The following BANP variants were observed in gnomAD, a reference collection of about 807,000 sequenced individuals.
BANP encodes protein BANP.
Under a neutral mutation model 68.1 loss-of-function variants are expected in BANP, and 11 were observed. The ratio of observed to expected loss-of-function variants is 0.16; its 90% CI spans 0.10 to 0.27. The LOEUF is 0.27. Among genes scored for constraint, BANP ranks in the 10% least tolerant of loss-of-function variants. The pLI is 1.00. For missense variants in BANP, 504 were observed against 722.7 expected, an observed-to-expected ratio of 0.70 and a Z score of 3.47; for synonymous variants, 329 against 303.2, an observed-to-expected ratio of 1.09 and a Z score of -0.88.
Position 88,003,226 on chromosome 16 carries a change from A to G in BANP, c.363-1069A>G, listed in dbSNP as rs1364043671. Among the ~76,000 whole-genome samples, 3 of 152,236 alleles carry G rather than the reference A, an allele frequency of 2.0e-5. No homozygotes were observed. Among genetic ancestry groups the G allele is most frequent in the Non-Finnish European group, 4.4e-5 (3 of 68,040 alleles). ...GGAATTTAAAAAATAATATTTTTGA[A>G]TGAAATGGAGTTGATTATGCCTTTA... On this transcript the variant is annotated intron_variant, in intron 4 of 13. Coordinates refer to ENST00000682872, the MANE Select transcript of BANP (RefSeq NM_001386991.1). The surrounding 1 kb of genome is among the most constrained non-coding windows in gnomAD (Gnocchi z 6.1).
intron 1 of BANP, among the ~76,000 whole-genome samples, chr16:87,958,064 G>A (rs1374609382): frequency 6.6e-6 from 1 of 152,200 alleles, no homozygotes; most frequent in Non-Finnish European, 1.5e-5. Context: ...GCCAACAGTT[G>A]TGACTGTCAG....
chr16:88,033,551 G>C (rs990405881), intron 9 of BANP, among the ~76,000 whole-genome samples: 4 of 152,170 alleles, frequency 2.6e-5, no homozygotes, highest in Non-Finnish European at 5.9e-5. Flanking sequence ...GCCGTGCGGT[G>C]GTCCCTGCCC....
chr16:88,025,601 G>A, intron 7 of BANP, among the ~76,000 whole-genome samples: 1 of 152,142 alleles, frequency 6.6e-6, no homozygotes, highest in East Asian at 1.9e-4. Flanking sequence ...CAGACAGGTT[G>A]GTTGTGATTA....
Position 88,003,298 on chromosome 16 carries a change from T to A in BANP, c.363-997T>A, listed in dbSNP as rs1053460366. Among the ~76,000 whole-genome samples, 1 of 152,226 alleles carries A rather than the reference T, an allele frequency of 6.6e-6. No individual in the cohort carries two copies. The highest frequency in any genetic ancestry group is 2.4e-5 in the African/African-American group (1 of 41,458). On this transcript the variant is annotated intron_variant, in intron 4 of 13. Coordinates refer to ENST00000682872, the MANE Select transcript of BANP (RefSeq NM_001386991.1). The surrounding 1 kb of genome is among the most constrained non-coding windows in gnomAD (Gnocchi z 6.1). The stretch of plus-strand genomic sequence containing the variant: ...TCCTGTGATTTACTTGAGCATGGCG[T>A]GGTGCTGTGCTGGCACTCAATGTGG...
At chr16:88,059,935 C>T (rs909758404) in intron 11 of BANP, among the ~76,000 whole-genome samples, 1 of 152,226 alleles carries the variant, frequency 6.6e-6, no homozygotes, top group Non-Finnish European at 1.5e-5. Context: ...AGGCCCCAGA[C>T]CTGCACACAC....
At chr16:87,954,976 T>C (rs1404951708) in intron 1 of BANP, among the ~76,000 whole-genome samples, 1 of 152,208 alleles carries the variant, frequency 6.6e-6, no homozygotes, top group Non-Finnish European at 1.5e-5. Flanking sequence ...GCCTCTGAAT[T>C]GCAGCGTGGG....
At chr16:88,047,170 T>C (rs1225015396) in intron 11 of BANP, among the ~76,000 whole-genome samples, 2 of 152,112 alleles carry the variant, frequency 1.3e-5, no homozygotes, top group Admixed American at 1.3e-4. Context: ...TTTGTGTTGT[T>C]TAAAATCCCA....
chr16:87,952,205 A>G (rs756425429), intron 1 of BANP: 3 of 152,294 alleles, frequency 2.0e-5, no homozygotes, highest in African/African-American at 4.8e-5. Context: ...ATGACATTCC[A>G]TCCACACTGT....
chr16:88,019,769 G>A (rs986211052), intron 7 of BANP, among the ~76,000 whole-genome samples: 4 of 152,036 alleles, frequency 2.6e-5, no homozygotes, highest in Non-Finnish European at 5.9e-5. Context: ...AAAGAGCCTT[G>A]CTCCTCTGGG....
chr16:88,046,388 A>C (rs58397994), intron 11 of BANP, among the ~76,000 whole-genome samples: 2 of 152,016 alleles, frequency 1.3e-5, no homozygotes, highest in African/African-American at 4.8e-5. Flanking sequence ...CAATCTGACT[A>C]CAAAGTTCAT....
chr16:88,049,177 G>T (rs530550713), intron 11 of BANP, among the ~76,000 whole-genome samples: 29 of 152,298 alleles, frequency 1.9e-4, no homozygotes, highest in African/African-American at 5.5e-4. Flanking sequence ...AACCACACCA[G>T]TTGCAAGTTC....
At chr16:88,073,832 T>C (rs1383213516) in intron 13 of BANP, among the ~76,000 whole-genome samples, 3 of 152,252 alleles carry the variant, frequency 2.0e-5, no homozygotes, top group Non-Finnish European at 4.4e-5. Context: ...CTGTGTCCCA[T>C]GGTTGGTGTT....
chr16:87,998,789 C>T (rs554027932), intron 4 of BANP, among the ~76,000 whole-genome samples: 20 of 139,266 alleles, frequency 1.4e-4, no homozygotes, highest in African/African-American at 3.5e-4. Flanking sequence ...CGCACGTGCG[C>T]GGCTGTACTT....
intron 6 of BANP, among the ~76,000 whole-genome samples, chr16:88,015,693 G>C (rs2074375275): frequency 6.6e-6 from 1 of 152,264 alleles, no homozygotes; most frequent in African/African-American, 2.4e-5. Context: ...TGGGAGTCAG[G>C]AGGAGCGGGG....
chr16:88,004,303 C>G lies in BANP; in HGVS notation c.371C>G (p.Pro124Arg), dbSNP rs2070327767. 4 of 1,542,384 alleles carry G rather than the reference C, an allele frequency of 2.6e-6. No homozygotes were observed. The highest frequency in any genetic ancestry group is 3.5e-6 in the Non-Finnish European group (4 of 1,139,298). Residue 124 changes from proline (P) to arginine (R), a missense_variant, in exon 5 of 14, where the codon CCC becomes CGC. By Grantham distance (103) the Pro-to-Arg change is moderately radical. This residue lies in a region of BANP where 238 missense variants were observed against 278.9 expected (regional missense o/e 0.85). Transcript: ENST00000682872. The surrounding 1 kb of genome is among the most constrained non-coding windows in gnomAD (Gnocchi z 7.0). ...QTCNKVRCVV[P>R]QTTVILNNDR... Reference sequence around the variant, plus strand: ...ATTCTTTTGTTCCCTAGCGTCGTCCCCCAGACTACAGTAATACTCAACAAT... The same window carrying G: ...ATTCTTTTGTTCCCTAGCGTCGTCCGCCAGACTACAGTAATACTCAACAAT...
chr16:87,968,964 C>A lies in BANP; in HGVS notation c.-68-6084C>A, dbSNP rs74040208. ...AAGTGAAAAATAATTTCCTTTTCAC[C>A]CATGCCCCAGGCTGTTGTAGGTCTT... On this transcript the variant is annotated intron_variant, in intron 1 of 13. Coordinates refer to ENST00000682872, the MANE Select transcript of BANP (RefSeq NM_001386991.1). Among the ~76,000 whole-genome samples the A allele has an allele frequency of 9.0e-3, 1,375 of 152,142 alleles. 22 individuals are homozygous for A. The highest frequency in any genetic ancestry group is 0.032 in the African/African-American group (1,321 of 41,482).
chr16:87,966,812 G>T (rs892128716), intron 1 of BANP: 1 of 152,422 alleles, frequency 6.6e-6, no homozygotes, highest in African/African-American at 2.4e-5. Flanking sequence ...GGCTGCACGT[G>T]GTGGGCTCCA....
At chr16:88,022,729 C>T (rs1036501796) in intron 7 of BANP, among the ~76,000 whole-genome samples, 2 of 152,142 alleles carry the variant, frequency 1.3e-5, no homozygotes, top group African/African-American at 4.8e-5. Flanking sequence ...GCCACGCTGC[C>T]TGAGAAGGCC....
intron 1 of BANP, among the ~76,000 whole-genome samples, chr16:87,951,855 C>T (rs935739655): frequency 1.3e-5 from 2 of 152,246 alleles, no homozygotes; most frequent in Admixed American, 6.5e-5. Flanking sequence ...CCCGGAGCCA[C>T]GGCGGGGAGA....
Sources: gnomAD v4.1 joint callset for allele counts (sites outside exome capture counted in the v4.1 genomes callset) on GRCh38, gnomAD v4.1.1 for gene constraint, gnomAD v4.1.1 regional missense constraint, Gnocchi (gnomAD v3.1) non-coding constraint, MANE v1.5 for transcripts, NCBI Gene and HGNC (gene_info 2026-07-23, HGNC 2026-07-21) for gene names.